PPP6R3: variants seen among roughly 807,000 people sequenced by gnomAD.
The protein encoded by PPP6R3 is protein phosphatase 6 regulatory subunit 3.
PPP6R3 carries 38 observed loss-of-function variants against 110.7 expected under a neutral mutation model. The ratio of observed to expected loss-of-function variants is 0.34; its 90% CI spans 0.26 to 0.45. PPP6R3 has a LOEUF of 0.45. PPP6R3 is among the 20% of genes least tolerant of loss of function. PPP6R3 has a pLI of 1.00. For missense variants in PPP6R3, 870 were observed against 1,062.4 expected (o/e 0.82, Z 2.52); for synonymous variants, 369 against 373.5 (o/e 0.99, Z 0.14).
chr11:68,582,879 C>T (rs998190475), intron 14 of PPP6R3, among the ~76,000 whole-genome samples, 164 bp from the exon 15 acceptor site: 3 of 152,190 alleles, frequency 2.0e-5, no homozygotes, highest in Non-Finnish European at 4.4e-5. Flanking sequence ...GGAAGGGTGC[C>T]CTTGACACAT....
intron 1 of PPP6R3, among the ~76,000 whole-genome samples, chr11:68,513,749 T>G (rs1377911968): frequency 1.3e-5 from 2 of 152,254 alleles, no homozygotes; most frequent in Non-Finnish European, 1.5e-5. Flanking sequence ...GTTGTATATA[T>G]TGTTTTTGTT....
rs1181714569 is a variant in PPP6R3 at position 68,477,728 on chromosome 11, T to TA, written c.-158+16915dup. Among the ~76,000 whole-genome samples, 726 of 77,334 alleles carry TA rather than the reference T, an allele frequency of 9.4e-3. 17 individuals carry two copies. The highest frequency in any genetic ancestry group is 0.025 in the Middle Eastern group (3 of 118). 50.7% of individuals were successfully genotyped at this position (77,334 alleles called of 152,430 possible). On this transcript the variant is annotated intron_variant, in intron 1 of 23. Coordinates refer to ENST00000393800, the MANE Select transcript of PPP6R3 (RefSeq NM_001164161.2). ...AGAGACAGAGAGAGACATTGTCTCT[T>TA]AAAAAAAAAAAAAATATATATATAT... is the stretch of plus-strand genomic sequence containing the variant.
At chr11:68,475,676 G>T (rs1591637553) in intron 1 of PPP6R3, among the ~76,000 whole-genome samples, 1 of 149,552 alleles carries the variant, frequency 6.7e-6, no homozygotes, top group Non-Finnish European at 1.5e-5. Context: ...TGGCCGGGCG[G>T]GGGCTGCCCC....
intron 1 of PPP6R3, among the ~76,000 whole-genome samples, chr11:68,501,501 A>G (rs2099048798): frequency 6.6e-6 from 1 of 152,074 alleles, no homozygotes; most frequent in Admixed American, 6.6e-5. Context: ...TGATTTTTGT[A>G]ATTTTAGTAG....
At chr11:68,528,235 A>T (rs1426640225) in intron 2 of PPP6R3, among the ~76,000 whole-genome samples, 1 of 152,210 alleles carries the variant, frequency 6.6e-6, no homozygotes, top group East Asian at 1.9e-4. Flanking sequence ...TGCTTGAAAT[A>T]TCAAAGCAGT....
chr11:68,537,623 T>C lies in PPP6R3; in HGVS notation c.-6-36T>C, dbSNP rs778464193. On this transcript the variant is annotated intron_variant, in intron 2 of 23. Transcript: ENST00000393800. ...ATTATGGAAAATTAATTTGTAAAGTTGAAATTTTATGAAATACTTTCTGCA... is the reference window on the plus strand; with the variant it reads ...ATTATGGAAAATTAATTTGTAAAGTCGAAATTTTATGAAATACTTTCTGCA... 2.3e-6 allele frequency: 3 copies of C among 1,330,424 alleles called. No homozygotes were observed. The Admixed American group carries it at 6.8e-5, about 30-fold the overall frequency. 82.4% of individuals were successfully genotyped at this position (1,330,424 alleles called of 1,614,324 possible).
At chr11:68,461,361 C>T (rs1279722450) in intron 1 of PPP6R3, among the ~76,000 whole-genome samples, 1 of 152,062 alleles carries the variant, frequency 6.6e-6, no homozygotes, top group East Asian at 1.9e-4. Flanking sequence ...TGTTAATTCG[C>T]CGCAGAGTCA....
intron 1 of PPP6R3, among the ~76,000 whole-genome samples, chr11:68,479,897 C>A (rs1211792441): frequency 6.6e-6 from 1 of 152,066 alleles, no homozygotes; most frequent in Non-Finnish European, 1.5e-5. Context: ...AGCCACCACA[C>A]CTGGCTAATT....
chr11:68,593,740 TGGGCACAGTGGTTCACACCTA>T (rs2099602734), intron 18 of PPP6R3, among the ~76,000 whole-genome samples: 1 of 152,196 alleles, frequency 6.6e-6, no homozygotes, highest in South Asian at 2.1e-4. Flanking sequence ...AGAGATTGGC[TGGGCACAGTGGTTCACACCTA>T]GAATCCCAGC....
chr11:68,468,157 A>G (rs2153229588), intron 1 of PPP6R3, among the ~76,000 whole-genome samples: 1 of 152,360 alleles, frequency 6.6e-6, no homozygotes, highest in African/African-American at 2.4e-5. Context: ...GTGATTCCAT[A>G]GGATTGTGAT....
chr11:68,571,993 G>A (rs2099509530), intron 12 of PPP6R3, among the ~76,000 whole-genome samples: 1 of 152,052 alleles, frequency 6.6e-6, no homozygotes, highest in African/African-American at 2.4e-5. Flanking sequence ...TTGGGAGTCA[G>A]CCTTACTTTG....
intron 15 of PPP6R3, among the ~76,000 whole-genome samples, chr11:68,584,068 G>A (rs60170908): frequency 0.047 from 7,163 of 152,274 alleles, 614 homozygotes; most frequent in African/African-American, 0.16. Context: ...AGACAGTTTA[G>A]AGTTTACCTT....
At chr11:68,588,309 G>A (rs2099585113) in intron 16 of PPP6R3, among the ~76,000 whole-genome samples, 1 of 152,016 alleles carries the variant, frequency 6.6e-6, no homozygotes, top group African/African-American at 2.4e-5. Context: ...GACCAGCCTG[G>A]CCAACATGGT....
At chr11:68,548,024 T>G (rs767602511) in intron 4 of PPP6R3, 43 bp from the exon 5 acceptor site, 4 of 1,584,158 alleles carry the variant, frequency 2.5e-6, no homozygotes, top group Non-Finnish European at 3.4e-6. Flanking sequence ...GTTTATAGTT[T>G]CCAAGTTACA....
intron 1 of PPP6R3, among the ~76,000 whole-genome samples, chr11:68,481,039 G>A (rs1351801476): frequency 6.6e-6 from 1 of 152,172 alleles, no homozygotes; most frequent in African/African-American, 2.4e-5. Flanking sequence ...GGAAAAAGGG[G>A]TGTGGATCAA....
chr11:68,486,647 A>G (rs750992881), intron 1 of PPP6R3, among the ~76,000 whole-genome samples: 1 of 148,322 alleles, frequency 6.7e-6, no homozygotes, highest in African/African-American at 2.5e-5. Context: ...GCTGCTTTCT[A>G]TTTTCTGGAA....
At chr11:68,491,809 G>A (rs963866351) in intron 1 of PPP6R3, among the ~76,000 whole-genome samples, 1 of 151,956 alleles carries the variant, frequency 6.6e-6, no homozygotes, top group African/African-American at 2.4e-5. Context: ...GGCCACATTG[G>A]AAGAAGAGTT....
chr11:68,542,389 G>GTTTATTTTTTTTT (rs2099321682), intron 3 of PPP6R3, among the ~76,000 whole-genome samples: 1 of 40,188 alleles, frequency 2.5e-5, no homozygotes, highest in Non-Finnish European at 4.1e-5. Flanking sequence ...AGAAGCTGCT[G>GTTTATTTTTTTTT]TTTTTTTTTT....
intron 2 of PPP6R3, among the ~76,000 whole-genome samples, chr11:68,528,296 G>A (rs905831856): frequency 1.3e-5 from 2 of 152,074 alleles, no homozygotes; most frequent in African/African-American, 4.8e-5. Flanking sequence ...GTAGAAAGCT[G>A]ATTGCTTTTG....
Sources: allele counts gnomAD v4.1 joint callset (sites outside exome capture counted in the v4.1 genomes callset), GRCh38; gene constraint gnomAD v4.1.1; transcripts MANE v1.5; gene names NCBI Gene and HGNC (gene_info 2026-07-23, HGNC 2026-07-21).